The following SLC39A9 variants were observed in gnomAD, a reference collection of about 807,000 sequenced individuals.
The protein encoded by SLC39A9 is zinc transporter ZIP9.
A neutral mutation model predicts 28.4 loss-of-function variants in SLC39A9; 14 were observed. The observed-to-expected ratio is 0.49, with a 90% CI of 0.33 to 0.77. The LOEUF (loss-of-function observed/expected upper bound fraction) is 0.77. Among genes scored for constraint, SLC39A9 ranks in the 30% least tolerant of loss-of-function variants. The probability of loss-of-function intolerance (pLI) is 0.02; values close to 1 mark genes in which losing one functional copy is unlikely to be tolerated. For synonymous variants in SLC39A9, 119 were observed against 149.6 expected (o/e 0.80, Z 1.49); for missense variants, 283 against 381.1 (o/e 0.74, Z 2.14).
At chr14:69,454,591 G>T (rs1474113969) in intron 4 of SLC39A9, 1 of 397,862 alleles carries the variant, frequency 2.5e-6, no homozygotes. Context: ...TGGGCCAGAT[G>T]CTATGCTCTT....
At chr14:69,446,164 A>T (rs190575780) in intron 3 of SLC39A9, among the ~76,000 whole-genome samples, 3 of 152,038 alleles carry the variant, frequency 2.0e-5, no homozygotes, top group Non-Finnish European at 2.9e-5. Context: ...GAAGGAACAC[A>T]CAAGTATGGA....
chr14:69,411,273 T>A lies in SLC39A9; in HGVS notation c.96+11808T>A, dbSNP rs373394575. ...GCTTGTCTTTAGGTGAACCAATTTG[T>A]TGACTGTTTCTGTGAGCAGGGAAAG... On this transcript the variant is annotated intron_variant, in intron 1 of 6. Coordinates refer to ENST00000336643, the MANE Select transcript of SLC39A9 (RefSeq NM_018375.5). 7.9e-5 allele frequency among the ~76,000 whole-genome samples: 12 copies of A among 152,006 alleles called. No individual in the cohort carries two copies. In the East Asian group the frequency reaches 1.7e-3, roughly 22 times the overall value.
In SLC39A9 at chr14:69,460,192, G is replaced by C. The variant is rs922341024; in HGVS notation, c.*1599G>C. On this transcript the variant is annotated 3_prime_UTR_variant, in exon 7 of 7. Coordinates refer to ENST00000336643, the MANE Select transcript of SLC39A9 (RefSeq NM_018375.5). ...GACTAGTTTCTTCAGGGCAGTGGACGTAGTAGTTTGTAAAAACGTTTTCTA... is the reference window on the plus strand; with the variant it reads ...GACTAGTTTCTTCAGGGCAGTGGACCTAGTAGTTTGTAAAAACGTTTTCTA... 1.0e-6 allele frequency: 1 copy of C among 985,800 alleles called. No homozygotes were observed. Among genetic ancestry groups the C allele is most frequent in the Non-Finnish European group, 1.2e-6 (1 of 829,888 alleles). The allele number at this position is 985,800 out of a possible 1,614,324, so 61.1% of individuals were successfully genotyped here.
chr14:69,415,122 A>G (rs913049651), intron 1 of SLC39A9, among the ~76,000 whole-genome samples: 5 of 152,308 alleles, frequency 3.3e-5, no homozygotes, highest in African/African-American at 1.2e-4. Context: ...ATATTCTTGT[A>G]CAAGTTTTTT....
Position 69,460,034 on chromosome 14 carries a change from G to C in SLC39A9, c.*1441G>C. ...GATAGCAAAAGTGTTTAACAGACTA[G>C]GATAATTTTTTTTTCATATTTGCCA... On this transcript the variant is annotated 3_prime_UTR_variant, in exon 7 of 7. Coordinates refer to ENST00000336643, the MANE Select transcript of SLC39A9 (RefSeq NM_018375.5). The C allele has an allele frequency of 2.0e-6, 2 of 984,900 alleles. No individual in the cohort carries two copies. Among genetic ancestry groups the C allele is most frequent in the Non-Finnish European group, 2.4e-6 (2 of 829,188 alleles). 61.0% of individuals were successfully genotyped at this position (984,900 alleles called of 1,614,324 possible).
intron 3 of SLC39A9, among the ~76,000 whole-genome samples, chr14:69,442,473 T>C (rs1480027390): frequency 6.6e-6 from 1 of 152,246 alleles, no homozygotes; most frequent in Non-Finnish European, 1.5e-5. Context: ...TTTATTACTT[T>C]GCTTGTCTTA....
Position 69,459,240 on chromosome 14 carries a change from C to T in SLC39A9, c.*647C>T, listed in dbSNP as rs1396354082. The T allele has an allele frequency of 3.0e-6, 3 of 985,324 alleles. No individual in the cohort carries two copies. Among genetic ancestry groups the T allele is most frequent in the African/African-American group, 3.5e-5 (2 of 57,240 alleles). The allele number at this position is 985,324 out of a possible 1,614,324, so 61.0% of individuals were successfully genotyped here. ...AGGGATTTAAACAGCTCCTTTGGCA[C>T]GTGCCTCTCTGAATCCAGCCTGCCA... On this transcript the variant is annotated 3_prime_UTR_variant, in exon 7 of 7. Coordinates refer to ENST00000336643, the MANE Select transcript of SLC39A9 (RefSeq NM_018375.5).
At chr14:69,406,244 A>T (rs1882906013) in intron 1 of SLC39A9, among the ~76,000 whole-genome samples, 1 of 152,212 alleles carries the variant, frequency 6.6e-6, no homozygotes, top group African/African-American at 2.4e-5. Flanking sequence ...TGAAACCTAT[A>T]AGAAATAAGT....
chr14:69,437,937 C>T (rs1046417406), intron 2 of SLC39A9, among the ~76,000 whole-genome samples: 2 of 151,898 alleles, frequency 1.3e-5, no homozygotes, highest in Non-Finnish European at 2.9e-5. Flanking sequence ...TTTTTTACAT[C>T]TTTCTTCATA....
chr14:69,452,979 G>A (rs939395782), intron 3 of SLC39A9, among the ~76,000 whole-genome samples: 3 of 152,210 alleles, frequency 2.0e-5, no homozygotes, highest in African/African-American at 7.2e-5. Flanking sequence ...TGAGTCAAAT[G>A]AAGAGTTCCC....
chr14:69,450,990 A>G (rs1471113430), intron 3 of SLC39A9, among the ~76,000 whole-genome samples: 46 of 152,190 alleles, frequency 3.0e-4, no homozygotes, highest in Admixed American at 3.0e-3. Flanking sequence ...ATTTATGCTA[A>G]ACTGCAGTCT....
At chr14:69,428,254 G>A (rs1298730298) in intron 2 of SLC39A9, among the ~76,000 whole-genome samples, 1 of 148,348 alleles carries the variant, frequency 6.7e-6, no homozygotes, top group Non-Finnish European at 1.5e-5. Context: ...CCATCCTGGC[G>A]ACAGAGCGAG....
chr14:69,409,385 G>C (rs1883123718), intron 1 of SLC39A9, among the ~76,000 whole-genome samples: 1 of 152,158 alleles, frequency 6.6e-6, no homozygotes, highest in Non-Finnish European at 1.5e-5. Context: ...ACCCAGGCTA[G>C]AGTGCAGTGG....
At chr14:69,401,214 T>C (rs1882614998) in intron 1 of SLC39A9, among the ~76,000 whole-genome samples, 1 of 152,152 alleles carries the variant, frequency 6.6e-6, no homozygotes, top group African/African-American at 2.4e-5. Context: ...AAGTTTATTA[T>C]TGTTGTTCTT....
rs1885826788 is a variant in SLC39A9, at chr14:69,455,736, C to A, written c.563C>A (p.Pro188Gln). The change falls in exon 6 of 7, where the codon CCA becomes CAA. Residue 188 changes from proline (P) to glutamine (Q), a missense_variant. Transcript: ENST00000336643. ...VFVAIMLHKA[P>Q]AAFGLVSFLM... The stretch of plus-strand genomic sequence containing the variant: ...GAGATGATTTTTTATTTCCAGGCAC[C>A]AGCTGCTTTTGGACTGGTTTCCTTC... The A allele has an allele frequency of 6.2e-7, 1 of 1,613,934 alleles. No individual in the cohort carries two copies. Among genetic ancestry groups the A allele is most frequent in the Non-Finnish European group, 8.5e-7 (1 of 1,180,000 alleles).
rs899536179 is a variant in SLC39A9, at chr14:69,453,373, T to G, written c.472+64T>G. The G allele has an allele frequency of 2.0e-6, 3 of 1,483,422 alleles. No homozygotes were observed. The African/African-American group carries it at 4.2e-5, about 21-fold the overall frequency. The allele number at this position is 1,483,422 out of a possible 1,614,324, so 91.9% of individuals were successfully genotyped here. A position where few individuals can be genotyped will look rare whatever the true frequency, so the allele number is the denominator to read the frequency against. On this transcript the variant is annotated intron_variant, in intron 4 of 6. Transcript: ENST00000336643. ...CGCACAGGGGAGACCTTAGTGTTTA[T>G]ATTTCAGGGACCGTCCTCATTGAAT...
intron 2 of SLC39A9, 150 bp downstream of exon 2, chr14:69,424,352 G>C: frequency 6.6e-6 from 4 of 604,736 alleles, no homozygotes; most frequent in Non-Finnish European, 1.2e-5. Context: ...TGATATCTTT[G>C]ATATTGACAC....
chr14:69,461,579 A>G lies in SLC39A9; in HGVS notation c.*2986A>G. On this transcript the variant is annotated 3_prime_UTR_variant, in exon 7 of 7. Transcript: ENST00000336643. ...CTGGTATTTTGAATCATTAGAGAAA[A>G]GAAAGGGAGTGGCTGTTTTGAGTTG... The G allele has an allele frequency of 6.7e-7, 1 of 1,501,962 alleles. No homozygotes were observed. The highest frequency in any genetic ancestry group is 8.9e-7 in the Non-Finnish European group (1 of 1,129,570). 93.0% of individuals were successfully genotyped at this position (1,501,962 alleles called of 1,614,324 possible).
chr14:69,400,448 A>G (rs772891771), intron 1 of SLC39A9, among the ~76,000 whole-genome samples: 4 of 152,230 alleles, frequency 2.6e-5, no homozygotes, highest in Admixed American at 1.3e-4. Flanking sequence ...GGCAAAAGGA[A>G]TTCACGAAGT....
Sources: allele counts gnomAD v4.1 joint callset (sites outside exome capture counted in the v4.1 genomes callset), GRCh38; gene constraint gnomAD v4.1.1; transcripts MANE v1.5; gene names NCBI Gene and HGNC (gene_info 2026-07-23, HGNC 2026-07-21).